Variants in SCAPER observed in about 807,000 individuals in gnomAD.
The protein encoded by SCAPER is S-phase cyclin A associated protein in the ER.
A neutral mutation model predicts 182.2 loss-of-function variants in SCAPER; 98 were observed. That is an observed-to-expected ratio of 0.54 (90% confidence interval 0.46 to 0.64). SCAPER has a LOEUF of 0.64. Ranked by LOEUF, SCAPER falls within the 30% of genes least tolerant of loss-of-function variation. The pLI is 0.00. For synonymous variants in SCAPER, 605 were observed against 564.6 expected (o/e 1.07, Z -1.01); for missense variants, 1,432 against 1,690.0 (o/e 0.85, Z 2.68).
rs1173333887 is a variant in SCAPER at position 76,354,830 on chromosome 15, C to G, written c.3856-690G>C. 6.6e-6 allele frequency among the ~76,000 whole-genome samples: 1 copy of G among 152,196 alleles called. No individual in the cohort carries two copies. The highest frequency in any genetic ancestry group is 1.5e-5 in the Non-Finnish European group (1 of 68,032). On this transcript the variant is annotated intron_variant, in intron 29 of 31. Coordinates refer to ENST00000563290, the MANE Select transcript of SCAPER (RefSeq NM_020843.4). This position sits in a 1 kb window ranked among gnomAD's most constrained non-coding sequence, Gnocchi z 4.4. ...CATTTAAAGAAATAGGGCAATGCAA[C>G]GAATGGGCTTGCAGGGAAGCCCTCT...
chr15:76,672,080 A>G (rs1187440944), intron 20 of SCAPER, among the ~76,000 whole-genome samples: 2 of 152,090 alleles, frequency 1.3e-5, no homozygotes, highest in African/African-American at 4.8e-5. Flanking sequence ...CTTCCAGGAG[A>G]AACTGCTGGG....
chr15:76,826,230 T>C (rs373248991), intron 5 of SCAPER, among the ~76,000 whole-genome samples: 6 of 151,336 alleles, frequency 4.0e-5, no homozygotes, highest in Non-Finnish European at 5.9e-5. Flanking sequence ...TACTATGCAG[T>C]CATAAAAAAT....
intron 22 of SCAPER, among the ~76,000 whole-genome samples, chr15:76,586,035 G>C (rs2048630445): frequency 6.6e-6 from 1 of 152,196 alleles, no homozygotes; most frequent in African/African-American, 2.4e-5. Context: ...AAATGGTTTT[G>C]TGAATAATGC....
chr15:76,824,980 T>C (rs2067877721), intron 5 of SCAPER, among the ~76,000 whole-genome samples: 2 of 152,194 alleles, frequency 1.3e-5, no homozygotes, highest in Admixed American at 6.5e-5. Context: ...ATGCTTCTAA[T>C]AGTATTTCCC....
chr15:76,703,180 A>C (rs1469372650), intron 18 of SCAPER, among the ~76,000 whole-genome samples, 178 bp from the exon 19 acceptor site: 3 of 152,236 alleles, frequency 2.0e-5, no homozygotes, highest in Non-Finnish European at 4.4e-5. Flanking sequence ...ATGAACAGTA[A>C]TGTTTATTAA....
intron 4 of SCAPER, 119 bp downstream of exon 4, chr15:76,857,690 T>A (rs1439212305): frequency 5.8e-6 from 4 of 686,200 alleles, no homozygotes; most frequent in Non-Finnish European, 9.4e-6. Context: ...AAAAAGTACA[T>A]TAAATTTTTA....
At chr15:76,810,554 CA>C (rs1770662741) in intron 5 of SCAPER, among the ~76,000 whole-genome samples, 15 of 42,596 alleles carry the variant, frequency 3.5e-4, no homozygotes, top group African/African-American at 9.8e-4. Flanking sequence ...AAAAAAACCA[CA>C]CACACACACA....
chr15:76,587,492 T>C (rs1049234027), intron 22 of SCAPER, among the ~76,000 whole-genome samples: 7 of 152,192 alleles, frequency 4.6e-5, no homozygotes, highest in Non-Finnish European at 1.0e-4. Context: ...ACTGTTATTG[T>C]TCAGTTCAAA....
chr15:76,697,714 A>G (rs2058724527), intron 20 of SCAPER, among the ~76,000 whole-genome samples: 1 of 152,108 alleles, frequency 6.6e-6, no homozygotes, highest in Non-Finnish European at 1.5e-5. Flanking sequence ...ATCTCAGCTC[A>G]CTGCAACCTC....
intron 5 of SCAPER, among the ~76,000 whole-genome samples, chr15:76,831,662 G>A (rs570867944): frequency 4.0e-5 from 6 of 151,506 alleles, no homozygotes; most frequent in Admixed American, 2.0e-4. Context: ...CAATGCCCCC[G>A]CACCACCACC....
At chr15:76,768,723 T>G (rs1468593014) in intron 10 of SCAPER, among the ~76,000 whole-genome samples, 5 of 152,092 alleles carry the variant, frequency 3.3e-5, no homozygotes, top group Non-Finnish European at 7.4e-5. Context: ...GTCAGTGATT[T>G]CAGTACCCCT....
At chr15:76,782,307 T>C (rs1336268367) in intron 8 of SCAPER, among the ~76,000 whole-genome samples, 1 of 151,994 alleles carries the variant, frequency 6.6e-6, no homozygotes, top group Non-Finnish European at 1.5e-5. Flanking sequence ...TACATACTAG[T>C]AAAGGGATCA....
At chr15:76,865,446 C>A (rs546384563) in intron 2 of SCAPER, among the ~76,000 whole-genome samples, 116 of 152,078 alleles carry the variant, frequency 7.6e-4, no homozygotes, top group African/African-American at 2.7e-3. Flanking sequence ...TGACTGAAAA[C>A]GGTTCAAAAC....
Position 76,671,819 on chromosome 15 carries a change from G to A in SCAPER, c.2509-6030C>T, listed in dbSNP as rs559044925. Reference sequence around the variant, plus strand: ...GACAAACTACCATCAGAGAAGTAGCGTTTCAGTGTCTGCAGGAGAAATTAG... The same window carrying A: ...GACAAACTACCATCAGAGAAGTAGCATTTCAGTGTCTGCAGGAGAAATTAG... On this transcript the variant is annotated intron_variant, in intron 20 of 31. Coordinates refer to ENST00000563290, the MANE Select transcript of SCAPER (RefSeq NM_020843.4). Among the ~76,000 whole-genome samples the A allele has an allele frequency of 4.6e-5, 7 of 151,606 alleles. No individual in the cohort carries two copies. The East Asian group carries it at 9.7e-4, about 21-fold the overall frequency.
At chr15:76,773,195 A>G (rs993586507) in intron 9 of SCAPER, among the ~76,000 whole-genome samples, 2 of 151,950 alleles carry the variant, frequency 1.3e-5, no homozygotes, top group Non-Finnish European at 2.9e-5. Flanking sequence ...ACAAAATCAA[A>G]GCTAAAATAT....
At chr15:76,869,638 C>G (rs2072549430) in intron 2 of SCAPER, among the ~76,000 whole-genome samples, 2 of 151,872 alleles carry the variant, frequency 1.3e-5, no homozygotes, top group Non-Finnish European at 2.9e-5. Context: ...AAAGAGGCAC[C>G]CTAAGTACAC....
chr15:76,576,336 G>T, intron 22 of SCAPER, among the ~76,000 whole-genome samples: 1 of 152,114 alleles, frequency 6.6e-6, no homozygotes, highest in South Asian at 2.1e-4. Flanking sequence ...TTCAGCCCGG[G>T]CAACAGAGTG....
intron 22 of SCAPER, among the ~76,000 whole-genome samples, chr15:76,586,001 G>A (rs2048625569): frequency 6.6e-6 from 1 of 152,100 alleles, no homozygotes. Context: ...CCCAACCTAG[G>A]AATATGAGAA....
At position 76,607,993 on chromosome 15, in the gene SCAPER, G is replaced by A. The variant is rs765933989; in HGVS notation, c.2711+13771C>T. On this transcript the variant is annotated intron_variant, in intron 22 of 31. Coordinates refer to ENST00000563290, the MANE Select transcript of SCAPER (RefSeq NM_020843.4). ...TCCTGTAGCTCAGAGTAGTTTGATC[G>A]TCTGAAGCCTTCTTCTCTCAACTCG... is the stretch of plus-strand genomic sequence containing the variant. Among the ~76,000 whole-genome samples, 10 of 151,482 alleles carry A rather than the reference G, an allele frequency of 6.6e-5. No homozygotes were observed. The South Asian group carries it at 1.5e-3, about 22-fold the overall frequency.
Sources: gnomAD v4.1 joint callset for allele counts (sites outside exome capture counted in the v4.1 genomes callset) on GRCh38, gnomAD v4.1.1 for gene constraint, Gnocchi (gnomAD v3.1) non-coding constraint, MANE v1.5 for transcripts, NCBI Gene and HGNC (gene_info 2026-07-23, HGNC 2026-07-21) for gene names.